PLAG1: variants seen among roughly 807,000 people sequenced by gnomAD.
The protein encoded by PLAG1 is PLAG1 zinc finger, also known as zinc finger protein PLAG1.
Under a neutral mutation model 35.5 loss-of-function variants are expected in PLAG1, and 7 were observed. That is an observed-to-expected ratio of 0.20 (90% CI 0.11 to 0.37). PLAG1 has a LOEUF of 0.37. PLAG1 is among the 10% of genes least tolerant of loss of function. The pLI is 1.00. For missense variants in PLAG1, 454 were observed against 602.8 expected (o/e 0.75, Z 2.58); for synonymous variants, 229 against 225.4 (o/e 1.02, Z -0.14).
At chr8:56,182,336 T>G (rs1048087221) in intron 1 of PLAG1, among the ~76,000 whole-genome samples, 1 of 152,166 alleles carries the variant, frequency 6.6e-6, no homozygotes, top group African/African-American at 2.4e-5. Context: ...AAGACAATGA[T>G]AGTTGTACAG....
chr8:56,169,913 A>G (rs919259076), intron 3 of PLAG1, among the ~76,000 whole-genome samples: 1 of 151,972 alleles, frequency 6.6e-6, no homozygotes, highest in African/African-American at 2.4e-5. Context: ...TCCTTATATC[A>G]CCTGTGTTTT....
At chr8:56,180,987 T>C (rs189068580) in intron 1 of PLAG1, among the ~76,000 whole-genome samples, 48 of 152,260 alleles carry the variant, frequency 3.2e-4, no homozygotes, top group East Asian at 3.1e-3. Flanking sequence ...CACTGGTCAT[T>C]AGAGAAATGC....
In PLAG1 at chr8:56,166,653, C is replaced by T. The variant is rs1430286803; in HGVS notation, c.1093G>A (p.Gly365Ser). The change falls in exon 5 of 5, where the codon GGT (glycine) becomes AGT (serine). Residue 365 changes from glycine (G) to serine (S), a missense_variant. Gly to Ser is a moderately conservative substitution (Grantham distance 56, BLOSUM62 0). This residue lies in a region of PLAG1 where 271 missense variants were observed against 315.6 expected (regional missense o/e 0.86). Coordinates refer to ENST00000316981, the MANE Select transcript of PLAG1 (RefSeq NM_002655.3). ...TCTTGGGATGAAGAGGGCACGCCAC[C>T]TTGTAACTCCATCAGGTAACTCTCA... is the stretch of plus-strand genomic sequence containing the variant. ...EIESYLMELQ[G>S]GVPSSSQDSQ... The T allele has an allele frequency of 6.2e-7, 1 of 1,614,102 alleles. No homozygotes were observed. Among genetic ancestry groups the T allele is most frequent in the South Asian group, 1.1e-5 (1 of 91,080 alleles).
At chr8:56,175,470 C>G (rs952570020) in intron 2 of PLAG1, among the ~76,000 whole-genome samples, 1 of 152,104 alleles carries the variant, frequency 6.6e-6, no homozygotes, top group South Asian at 2.1e-4. Flanking sequence ...TACAGCAGGT[C>G]CCCAAAAATG....
Position 56,165,446 on chromosome 8 carries a change from G to C in PLAG1, c.*797C>G, listed in dbSNP as rs1289007440. ...GATCTACCTATATATCGACTCTGAA[G>C]ACCCCAATGCCATACACTATTACTA... On this transcript the variant is annotated 3_prime_UTR_variant, in exon 5 of 5. Coordinates refer to ENST00000316981, the MANE Select transcript of PLAG1 (RefSeq NM_002655.3). The C allele has an allele frequency of 1.4e-5, 3 of 216,590 alleles. No homozygotes were observed. The highest frequency in any genetic ancestry group is 6.8e-5 in the African/African-American group (3 of 44,356). The allele number at this position is 216,590 out of a possible 1,614,324, so 13.4% of individuals were successfully genotyped here.
At chr8:56,176,357 G>C (rs1269107275) in intron 2 of PLAG1, among the ~76,000 whole-genome samples, 5 of 128,736 alleles carry the variant, frequency 3.9e-5, no homozygotes, top group African/African-American at 1.5e-4. Context: ...CCAACTGAAA[G>C]CTCCCTTCTA....
chr8:56,189,221 A>G (rs953376927), intron 1 of PLAG1, among the ~76,000 whole-genome samples: 1 of 152,206 alleles, frequency 6.6e-6, no homozygotes. Flanking sequence ...CTATTTGCTC[A>G]CCTCTGTGAA....
At chr8:56,210,891 C>T (rs1238827651) in intron 1 of PLAG1, among the ~76,000 whole-genome samples, 2 of 151,728 alleles carry the variant, frequency 1.3e-5, no homozygotes, top group Non-Finnish European at 2.9e-5. Flanking sequence ...CCTGCCCTGT[C>T]AGAAGCGACT....
chr8:56,203,556 T>C (rs1213255220), intron 1 of PLAG1, among the ~76,000 whole-genome samples: 1 of 152,080 alleles, frequency 6.6e-6, no homozygotes, highest in Non-Finnish European at 1.5e-5. Flanking sequence ...TTTGTTTGTA[T>C]GACAGTAGCC....
intron 1 of PLAG1, among the ~76,000 whole-genome samples, chr8:56,188,512 C>T (rs139434458): frequency 6.6e-6 from 1 of 152,270 alleles, no homozygotes; most frequent in East Asian, 1.9e-4. Context: ...ACATTAGGTC[C>T]ACCTTATAAG....
At position 56,166,067 on chromosome 8, in the gene PLAG1, A is replaced by G. The variant is rs1410473812; in HGVS notation, c.*176T>C. The G allele has an allele frequency of 2.5e-6, 1 of 406,192 alleles. No homozygotes were observed. Among genetic ancestry groups the G allele is most frequent in the African/African-American group, 2.0e-5 (1 of 49,176 alleles). 25.2% of individuals were successfully genotyped at this position (406,192 alleles called of 1,614,324 possible). A position where few individuals can be genotyped will look rare whatever the true frequency, so the allele number is the denominator to read the frequency against. On this transcript the variant is annotated 3_prime_UTR_variant, in exon 5 of 5. Coordinates refer to ENST00000316981, the MANE Select transcript of PLAG1 (RefSeq NM_002655.3). Reference sequence around the variant, plus strand: ...ACCCAGGTAAACTTAACTGAACACAAATGGTTCCAAAGCTCAGTTTAAAAG... The same window carrying G: ...ACCCAGGTAAACTTAACTGAACACAGATGGTTCCAAAGCTCAGTTTAAAAG...
At chr8:56,199,292 C>A (rs113685103) in intron 1 of PLAG1, among the ~76,000 whole-genome samples, 7 of 152,158 alleles carry the variant, frequency 4.6e-5, no homozygotes, top group African/African-American at 1.7e-4. Flanking sequence ...TGGAATCCTG[C>A]AGAAAGGCAA....
intron 2 of PLAG1, 83 bp from the exon 3 acceptor site, chr8:56,171,272 A>G (rs1811515063): frequency 5.3e-6 from 1 of 189,434 alleles, no homozygotes; most frequent in South Asian, 1.8e-4. Flanking sequence ...AAAGAATTGC[A>G]GTTTCATGGC....
Position 56,187,841 on chromosome 8 carries a change from T to C in PLAG1, c.-321-8328A>G, listed in dbSNP as rs149494501. ...CTCTGTGGCATAGGCAGGGTGTACC[T>C]TAAATTTTATGGTGGCCATGGTCAT... On this transcript the variant is annotated intron_variant, in intron 1 of 4. Transcript: ENST00000316981. 2.5e-3 allele frequency among the ~76,000 whole-genome samples: 384 copies of C among 152,308 alleles called. 2 individuals carry two copies. Among genetic ancestry groups the C allele is most frequent in the African/African-American group, 9.0e-3 (373 of 41,568 alleles).
In PLAG1 at chr8:56,163,318, T is replaced by C. The variant is rs1487565268; in HGVS notation, c.*2925A>G. 5.1e-6 allele frequency: 1 copy of C among 194,306 alleles called. No individual in the cohort carries two copies. Among genetic ancestry groups the C allele is most frequent in the Admixed American group, 6.1e-5 (1 of 16,272 alleles). The allele number at this position is 194,306 out of a possible 1,614,324, so 12.0% of individuals were successfully genotyped here. The stretch of plus-strand genomic sequence containing the variant: ...ATGAAAACAGCATTGGCAATACTTA[T>C]TTTTAATCATATCTAGTTGACATAG... On this transcript the variant is annotated 3_prime_UTR_variant, in exon 5 of 5. Transcript: ENST00000316981.
chr8:56,210,340 G>A (rs966809855), intron 1 of PLAG1, among the ~76,000 whole-genome samples: 1 of 151,708 alleles, frequency 6.6e-6, no homozygotes, highest in Non-Finnish European at 1.5e-5. Flanking sequence ...GGTTGTTTAT[G>A]ATACTGACAA....
intron 1 of PLAG1, among the ~76,000 whole-genome samples, chr8:56,181,604 G>A (rs1360087720): frequency 2.6e-5 from 4 of 152,166 alleles, no homozygotes; most frequent in African/African-American, 4.8e-5. Context: ...ATAGCATTAG[G>A]AGAAATACCT....
At chr8:56,192,935 G>A (rs1194860283) in intron 1 of PLAG1, among the ~76,000 whole-genome samples, 1 of 151,898 alleles carries the variant, frequency 6.6e-6, no homozygotes. Context: ...TTTAACAAAT[G>A]CGTTTTAAGG....
chr8:56,177,709 T>C (rs939312497), intron 2 of PLAG1, among the ~76,000 whole-genome samples: 1 of 152,180 alleles, frequency 6.6e-6, no homozygotes, highest in Non-Finnish European at 1.5e-5. Context: ...AGAACTGTGG[T>C]CCCTTTAAGG....
Sources: allele counts gnomAD v4.1 joint callset (sites outside exome capture counted in the v4.1 genomes callset), GRCh38; gene constraint gnomAD v4.1.1; regional missense constraint gnomAD v4.1.1; transcripts MANE v1.5; gene names NCBI Gene and HGNC (gene_info 2026-07-23, HGNC 2026-07-21).